Variants in CFAP95 observed in about 807,000 individuals in gnomAD.
The protein encoded by CFAP95 is cilia and flagella associated protein 95.
At chr9:69,881,990 C>CTT in the CFAP95 span, among the ~76,000 whole-genome samples, 2,009 of 143,860 alleles carry the variant, frequency 0.014, 41 homozygotes, top group African/African-American at 0.039. Flanking sequence ...ATAGAAATGC[C>CTT]TTTTTTTTTT....
the CFAP95 span, chr9:69,886,805 G>A: frequency 1.9e-6 from 3 of 1,565,870 alleles, no homozygotes; most frequent in East Asian, 6.7e-5. Context: ...CGTTTTTGAA[G>A]TCATTCTTTC....
chr9:69,896,511 C>T, the CFAP95 span, among the ~76,000 whole-genome samples: 1 of 152,124 alleles, frequency 6.6e-6, no homozygotes, highest in African/African-American at 2.4e-5. Context: ...TTTGTACTTC[C>T]CATGGCTATT....
the CFAP95 span, chr9:69,844,414 A>G: frequency 3.2e-6 from 2 of 631,724 alleles, no homozygotes; most frequent in Non-Finnish European, 5.2e-6. Flanking sequence ...TATACTTAAT[A>G]CTACAAATAT....
the CFAP95 span, among the ~76,000 whole-genome samples, chr9:69,850,895 A>T: frequency 7.2e-5 from 11 of 152,094 alleles, no homozygotes; most frequent in African/African-American, 2.7e-4. Flanking sequence ...CTGTGTTAGG[A>T]ATTCCGTATC....
chr9:69,845,874 C>T, the CFAP95 span, among the ~76,000 whole-genome samples: 1 of 152,148 alleles, frequency 6.6e-6, no homozygotes, highest in African/African-American at 2.4e-5. Flanking sequence ...CCTCAGTTTC[C>T]ACCCAACCCT....
the CFAP95 span, among the ~76,000 whole-genome samples, chr9:69,843,547 TCCTCCTCCTC>T: frequency 1.1e-3 from 28 of 26,192 alleles, 3 homozygotes; most frequent in South Asian, 2.9e-3. Context: ...CTCCTCCTCC[TCCTCCTCCTC>T]CTTCTTCTTC....
chr9:69,883,052 C>A, the CFAP95 span, among the ~76,000 whole-genome samples: 4 of 152,104 alleles, frequency 2.6e-5, no homozygotes, highest in Non-Finnish European at 5.9e-5. Context: ...TGGTAGAAAT[C>A]AGCAGTGAAG....
the CFAP95 span, among the ~76,000 whole-genome samples, chr9:69,839,803 C>T: frequency 2.0e-5 from 3 of 151,542 alleles, no homozygotes; most frequent in African/African-American, 7.3e-5. Flanking sequence ...TGGCCAGGCG[C>T]AGTGGCTCCC....
chr9:69,821,143 A>G, the CFAP95 span: 160 of 1,222,030 alleles, frequency 1.3e-4, no homozygotes, highest in Non-Finnish European at 1.6e-4. Flanking sequence ...AGTGGAGACG[A>G]CAGAGGAAAC....
chr9:69,821,157 A>AAAAAG, the CFAP95 span: 1 of 1,071,948 alleles, frequency 9.3e-7, no homozygotes, highest in Non-Finnish European at 1.3e-6. Context: ...AGGAAACGGA[A>AAAAAG]AAAAGAATGA....
chr9:69,883,791 G>T, the CFAP95 span, among the ~76,000 whole-genome samples: 2 of 149,846 alleles, frequency 1.3e-5, no homozygotes, highest in African/African-American at 2.5e-5. Context: ...TCTTAGTCTG[G>T]CTAAAGGTTT....
the CFAP95 span, among the ~76,000 whole-genome samples, chr9:69,827,128 C>A: frequency 1.2e-4 from 18 of 152,078 alleles, no homozygotes; most frequent in Admixed American, 2.0e-4. Flanking sequence ...GTGTGTCATA[C>A]CATCAAGAAC....
chr9:69,850,313 G>A, the CFAP95 span, among the ~76,000 whole-genome samples: 2 of 152,164 alleles, frequency 1.3e-5, no homozygotes, highest in African/African-American at 2.4e-5. Context: ...GAACTAACAG[G>A]ACAACATTGT....
chr9:69,838,028 G>T, the CFAP95 span, among the ~76,000 whole-genome samples: 2 of 152,168 alleles, frequency 1.3e-5, no homozygotes, highest in African/African-American at 4.8e-5. Flanking sequence ...GTTTGTTAAA[G>T]ATCAGATAGT....
At chr9:69,822,934 G>A in the CFAP95 span, among the ~76,000 whole-genome samples, 1 of 152,198 alleles carries the variant, frequency 6.6e-6, no homozygotes, top group Non-Finnish European at 1.5e-5. Context: ...TAGAGAAACA[G>A]ATTCAATGAG....
chr9:69,876,363 T>A, the CFAP95 span, among the ~76,000 whole-genome samples: 1 of 151,910 alleles, frequency 6.6e-6, no homozygotes, highest in Non-Finnish European at 1.5e-5. Context: ...CAAAACCCCA[T>A]CTCTACTAAA....
At chr9:69,880,409 A>T in the CFAP95 span, among the ~76,000 whole-genome samples, 1 of 151,770 alleles carries the variant, frequency 6.6e-6, no homozygotes, top group Non-Finnish European at 1.5e-5. Context: ...AACATGTGAT[A>T]TTTGTTTTTT....
chr9:69,894,212 AGTTCTG>A, the CFAP95 span, among the ~76,000 whole-genome samples: 2 of 152,198 alleles, frequency 1.3e-5, no homozygotes, highest in South Asian at 4.1e-4. Flanking sequence ...ATAAACAAAC[AGTTCTG>A]GTTCTGAGTC....
the CFAP95 span, among the ~76,000 whole-genome samples, chr9:69,827,679 G>A: frequency 6.6e-6 from 1 of 152,324 alleles, no homozygotes; most frequent in East Asian, 1.9e-4. Flanking sequence ...GCATGCTGCT[G>A]CTGCTGAATT....
Sources: gnomAD v4.1 joint callset for allele counts (sites outside exome capture counted in the v4.1 genomes callset) on GRCh38, gnomAD v4.1.1 for gene constraint, MANE v1.5 for transcripts, NCBI Gene and HGNC (gene_info 2026-07-23, HGNC 2026-07-21) for gene names.